Variants in PSD3 observed in about 807,000 individuals in gnomAD.
PSD3 encodes PH and SEC7 domain-containing protein 3.
In PSD3, 49 loss-of-function variants were observed where a neutral mutation model predicts 105.5. That is an observed-to-expected ratio of 0.46 (90% CI 0.37 to 0.59). The LOEUF (loss-of-function observed/expected upper bound fraction) is 0.59, where lower values mean the gene tolerates loss of function less well. Ranked by LOEUF, PSD3 falls within the 20% of genes least tolerant of loss-of-function variation. PSD3 has a pLI of 0.00. For synonymous variants in PSD3, 557 were observed against 457.8 expected (o/e 1.22, Z -2.77); for missense variants, 1,561 against 1,263.8 (o/e 1.24, Z -3.57).
intron 11 of PSD3, among the ~76,000 whole-genome samples, chr8:18,613,868 T>G (rs1805458387): frequency 6.6e-6 from 1 of 152,216 alleles, no homozygotes; most frequent in Non-Finnish European, 1.5e-5. Flanking sequence ...TCACCAGCGC[T>G]GCAACTCCTA....
Position 19,060,736 on chromosome 8 carries a change from T to C in PSD3, c.324+23470A>G, listed in dbSNP as rs60482241. ...ATAATTCTTCCACTGTTATACCTGT[T>C]TTCCACTGACAGGATGGAATTCTTC... On this transcript the variant is annotated intron_variant, in intron 1 of 1. Coordinates refer to the PSD3 transcript ENST00000521475. Among the ~76,000 whole-genome samples, 282 of 152,356 alleles carry C rather than the reference T, an allele frequency of 1.9e-3. 3 individuals carry two copies. In the East Asian group the frequency reaches 0.04, roughly 22 times the overall value.
intron 4 of PSD3, chr8:18,854,015 C>T (rs1424085354): frequency 8.2e-6 from 1 of 122,436 alleles, no homozygotes; most frequent in Non-Finnish European, 1.7e-5. Context: ...TTTTCAAATC[C>T]AAGGAAGTTT....
chr8:18,863,468 C>T (rs2129455767), intron 4 of PSD3, among the ~76,000 whole-genome samples: 1 of 152,264 alleles, frequency 6.6e-6, no homozygotes, highest in African/African-American at 2.4e-5. Flanking sequence ...TTTGCTTCTT[C>T]ATTGATATAT....
At chr8:19,053,615 C>A (rs572639732) in intron 1 of PSD3, among the ~76,000 whole-genome samples, 9 of 152,178 alleles carry the variant, frequency 5.9e-5, no homozygotes, top group Admixed American at 1.3e-4. Flanking sequence ...CATGAGGAAA[C>A]CCCGTCTCTA....
At chr8:18,627,653 C>T (rs992295394) in intron 11 of PSD3, among the ~76,000 whole-genome samples, 1 of 151,938 alleles carries the variant, frequency 6.6e-6, no homozygotes, top group South Asian at 2.1e-4. Flanking sequence ...TAAAGGCAAG[C>T]GTCTAAAGAA....
chr8:18,571,896 T>TGGTA (rs10639920), intron 14 of PSD3, among the ~76,000 whole-genome samples: 60,251 of 151,696 alleles, frequency 0.4, 11,961 homozygotes, highest in East Asian at 0.51. Flanking sequence ...CAAACCTAGC[T>TGGTA]GGTAGGTAGT....
At chr8:18,959,508 C>A (rs969470483) in intron 1 of PSD3, among the ~76,000 whole-genome samples, 3 of 152,032 alleles carry the variant, frequency 2.0e-5, no homozygotes, top group Non-Finnish European at 4.4e-5. Context: ...TCTCCTATTC[C>A]AACTTTCTCT....
intron 4 of PSD3, among the ~76,000 whole-genome samples, chr8:18,843,558 C>T (rs185324409): frequency 2.0e-5 from 3 of 152,296 alleles, no homozygotes; most frequent in African/African-American, 7.2e-5. Flanking sequence ...AATGCGTTCT[C>T]CTCTTCTAAT....
At chr8:18,982,220 C>T (rs570726540) in intron 1 of PSD3, among the ~76,000 whole-genome samples, 19 of 152,330 alleles carry the variant, frequency 1.2e-4, no homozygotes, top group Admixed American at 8.5e-4. Context: ...ACTAATGGTG[C>T]ATCCTGGAAT....
chr8:18,680,728 T>G (rs2130949542), intron 9 of PSD3, among the ~76,000 whole-genome samples: 1 of 151,882 alleles, frequency 6.6e-6, no homozygotes, highest in Admixed American at 6.6e-5. Flanking sequence ...GAGAAGGGGG[T>G]TTTAAAGAAA....
intron 1 of PSD3, among the ~76,000 whole-genome samples, chr8:19,037,520 T>C (rs577780362): frequency 2.0e-4 from 31 of 152,360 alleles, no homozygotes; most frequent in African/African-American, 7.5e-4. Flanking sequence ...TCTGGGTGTC[T>C]GTGAGGGTGT....
At chr8:18,703,809 T>C (rs1443325790) in intron 9 of PSD3, among the ~76,000 whole-genome samples, 1 of 152,168 alleles carries the variant, frequency 6.6e-6, no homozygotes, top group Non-Finnish European at 1.5e-5. Flanking sequence ...TGAATAGAAA[T>C]GGATACAGCT....
At chr8:18,899,872 T>C (rs994916134) in intron 2 of PSD3, among the ~76,000 whole-genome samples, 5 of 152,174 alleles carry the variant, frequency 3.3e-5, no homozygotes, top group Non-Finnish European at 7.4e-5. Context: ...TTCCTCATCA[T>C]AAATCCAACT....
chr8:18,702,235 T>G (rs950122175), intron 9 of PSD3, among the ~76,000 whole-genome samples: 1 of 152,232 alleles, frequency 6.6e-6, no homozygotes, highest in African/African-American at 2.4e-5. Context: ...GAAATGTATC[T>G]CTCAGATCCA....
rs565886684 is a variant in PSD3, at chr8:18,765,449, T to C, written c.2172A>G (p.Lys724=). 25 of 1,603,180 alleles carry C rather than the reference T, an allele frequency of 1.6e-5. No homozygotes were observed. The African/African-American group carries it at 2.5e-4, about 16-fold the overall frequency. Reference sequence around the variant, plus strand: ...TAAAAACCAATAGTTCCATGCTTACTTTCAGCAGATCCTTGGAGAAATCAA... The same window carrying C: ...TAAAAACCAATAGTTCCATGCTTACCTTCAGCAGATCCTTGGAGAAATCAA... ...EGVDFSKDLL[K]ALYNSIKNEK... Residue 724 remains lysine, a splice_region_variant and synonymous_variant, in exon 9 of 16, where the codon AAA becomes AAG. Transcript: ENST00000327040.
At chr8:19,019,883 C>T (rs764886102) in intron 1 of PSD3, among the ~76,000 whole-genome samples, 10 of 151,698 alleles carry the variant, frequency 6.6e-5, no homozygotes, top group Non-Finnish European at 5.9e-5. Flanking sequence ...CCTTAGGGGT[C>T]GGAAGAGAAT....
At chr8:18,620,567 G>C (rs1323702318) in intron 11 of PSD3, among the ~76,000 whole-genome samples, 1 of 151,914 alleles carries the variant, frequency 6.6e-6, no homozygotes, top group Non-Finnish European at 1.5e-5. Flanking sequence ...AAATTAGTGG[G>C]GTGTGACAGC....
chr8:18,865,265 TATATATATATATATATA>T (rs1563360370), intron 4 of PSD3: 203 of 7,654 alleles, frequency 0.027, 35 homozygotes, highest in Non-Finnish European at 0.032. Context: ...TATATATATA[TATATATATATATATATA>T]TATATTTTTT....
chr8:18,684,203 TCC>T lies in PSD3; in HGVS notation c.2173-28520_2173-28519del, dbSNP rs796215174. On this transcript the variant is annotated intron_variant, in intron 9 of 15. Coordinates refer to ENST00000327040, the MANE Select transcript of PSD3 (RefSeq NM_015310.4). ...CCACCCCTGCTACTCGTCTCTCTTT[TCC>T]ACACACACACACACACACACACACA... is the stretch of plus-strand genomic sequence containing the variant. 2.2e-4 allele frequency: 50 copies of T among 222,818 alleles called. 1 individual carries two copies. The highest frequency in any genetic ancestry group is 1.4e-3 in the African/African-American group (35 of 24,202). 13.8% of individuals were successfully genotyped at this position (222,818 alleles called of 1,614,324 possible).
Sources: gnomAD v4.1 joint callset for allele counts (sites outside exome capture counted in the v4.1 genomes callset) on GRCh38, gnomAD v4.1.1 for gene constraint, MANE v1.5 for transcripts, NCBI Gene and HGNC (gene_info 2026-07-23, HGNC 2026-07-21) for gene names.